GREB1L: variants seen among roughly 807,000 people sequenced by gnomAD.
GREB1L encodes GREB1 like retinoic acid receptor coactivator.
In GREB1L, 17 loss-of-function variants were observed where a neutral mutation model predicts 200.8. The ratio of observed to expected loss-of-function variants is 0.08; its 90% CI spans 0.06 to 0.13. The LOEUF is 0.13. Ranked by LOEUF, GREB1L falls within the 10% of genes least tolerant of loss-of-function variation. The probability of loss-of-function intolerance (pLI) is 1.00; values close to 1 mark genes in which losing one functional copy is unlikely to be tolerated. For missense variants in GREB1L, 1,657 were observed against 2,367.7 expected (o/e 0.70, Z 6.23); for synonymous variants, 789 against 893.0 (o/e 0.88, Z 2.08).
intron 2 of GREB1L, among the ~76,000 whole-genome samples, chr18:21,379,720 G>A (rs1238608770): frequency 1.3e-5 from 2 of 152,168 alleles, no homozygotes; most frequent in African/African-American, 4.8e-5. Context: ...ATGGTTGTTG[G>A]ATTTTGGTTT....
intron 1 of GREB1L, among the ~76,000 whole-genome samples, chr18:21,283,047 C>A (rs1030639570): frequency 1.3e-5 from 2 of 152,158 alleles, no homozygotes; most frequent in African/African-American, 2.4e-5. Flanking sequence ...ATGCATTTAG[C>A]TTTTTCATCC....
rs2040223472 is a variant in GREB1L, at chr18:21,379,657, G to T, written c.-9-3853G>T. Reference sequence around the variant, plus strand: ...TTGTTCACAGATAAGCAATCCTATGGTTAACTCTGTGCTAGTTCCTGGTCC... The same window carrying T: ...TTGTTCACAGATAAGCAATCCTATGTTTAACTCTGTGCTAGTTCCTGGTCC... On this transcript the variant is annotated intron_variant, in intron 2 of 32. Coordinates refer to ENST00000424526, the MANE Select transcript of GREB1L (RefSeq NM_001142966.3). Among the ~76,000 whole-genome samples the T allele has an allele frequency of 2.6e-5, 4 of 152,154 alleles. No individual in the cohort carries two copies. In the South Asian group the frequency reaches 8.3e-4, roughly 32 times the overall value.
intron 2 of GREB1L, among the ~76,000 whole-genome samples, chr18:21,374,566 A>G (rs1280937281): frequency 6.6e-6 from 1 of 152,236 alleles, no homozygotes; most frequent in Non-Finnish European, 1.5e-5. Context: ...TAGAATATGT[A>G]CATCCCCATC....
At chr18:21,268,524 C>CATATATATATGTATATATATATATAT (rs2038013930) in intron 1 of GREB1L, among the ~76,000 whole-genome samples, 6 of 72,898 alleles carry the variant, frequency 8.2e-5, no homozygotes, top group African/African-American at 3.1e-4. Flanking sequence ...TATATATATA[C>CATATATATATGTATATATATATATAT]ACACACACAC....
intron 1 of GREB1L, among the ~76,000 whole-genome samples, chr18:21,275,770 C>G (rs1277693722): frequency 6.6e-6 from 1 of 152,202 alleles, no homozygotes; most frequent in East Asian, 1.9e-4. Flanking sequence ...TCATCCTAGA[C>G]CAAATCCAGT....
At chr18:21,454,091 G>T (rs531418320) in intron 14 of GREB1L, among the ~76,000 whole-genome samples, 1 of 152,166 alleles carries the variant, frequency 6.6e-6, no homozygotes, top group Admixed American at 6.5e-5. Flanking sequence ...TGGGATAGGG[G>T]TGTTGAATTA....
At chr18:21,463,110 C>T (rs1244869025) in intron 15 of GREB1L, among the ~76,000 whole-genome samples, 7 of 147,322 alleles carry the variant, frequency 4.8e-5, no homozygotes, top group Admixed American at 3.4e-4. Context: ...AGGAGAGAGC[C>T]GATAGGTAAA....
Position 21,444,214 on chromosome 18 carries a change from AT to A in GREB1L, c.1208-8del. ...TGTTGAACTGTACTGACCTGCTTCT[AT>A]TGGGACAGGCTATGGCACTTTACCC... On this transcript the variant is annotated splice_polypyrimidine_tract_variant and intron_variant, in intron 10 of 32. Transcript: ENST00000424526. The A allele has an allele frequency of 1.3e-6, 2 of 1,546,762 alleles. No homozygotes were observed. The highest frequency in any genetic ancestry group is 1.8e-6 in the Non-Finnish European group (2 of 1,142,618).
chr18:21,293,658 T>TG lies in GREB1L; in HGVS notation c.-120+51266dup, dbSNP rs375627368. On this transcript the variant is annotated intron_variant, in intron 1 of 32. Transcript: ENST00000424526. ...TCAGCCAAAACAGTATGTGTAAATATGCCTGTTTGCCAATATAGTCACTCA... is the reference window on the plus strand; with the variant it reads ...TCAGCCAAAACAGTATGTGTAAATATGGCCTGTTTGCCAATATAGTCACTCA... Among the ~76,000 whole-genome samples the TG allele has an allele frequency of 1.6e-3, 237 of 152,368 alleles. 3 individuals carry two copies. Among genetic ancestry groups the TG allele is most frequent in the African/African-American group, 5.5e-3 (230 of 41,594 alleles).
intron 21 of GREB1L, among the ~76,000 whole-genome samples, chr18:21,499,085 C>T (rs1339462079): frequency 7.2e-5 from 11 of 152,176 alleles, no homozygotes; most frequent in African/African-American, 1.7e-4. Context: ...TCCCACTTCG[C>T]GCAGGGCATC....
At position 21,525,834 on chromosome 18, in the gene GREB1L, C is replaced by CAATCT. The variant is rs1378130552; in HGVS notation, c.*3015_*3019dup. Among the ~76,000 whole-genome samples the CAATCT allele has an allele frequency of 3.3e-5, 5 of 151,320 alleles. No homozygotes were observed. In the Admixed American group the frequency reaches 3.3e-4, roughly 10 times the overall value. On this transcript the variant is annotated 3_prime_UTR_variant, in exon 33 of 33. Coordinates refer to ENST00000424526, the MANE Select transcript of GREB1L (RefSeq NM_001142966.3). ...TTTGTTGTCCCAGAAAAATGGCTTT[C>CAATCT]AATCTATTAATAAAGTGTAGTAAAT...
At chr18:21,516,478 G>A (rs945981388) in intron 29 of GREB1L, 135 bp from the exon 30 acceptor site, 47 of 807,410 alleles carry the variant, frequency 5.8e-5, no homozygotes, top group Non-Finnish European at 8.1e-5. Context: ...TCAGTGTTAC[G>A]AGGGCCAGCT....
intron 31 of GREB1L, among the ~76,000 whole-genome samples, 183 bp from the exon 32 acceptor site, chr18:21,520,505 C>T (rs1484050168): frequency 1.3e-5 from 2 of 152,122 alleles, no homozygotes; most frequent in East Asian, 1.9e-4. Context: ...ACACTTGGCA[C>T]GCTACATAAA....
chr18:21,493,865 CAAAAA>C (rs35758360), intron 19 of GREB1L, among the ~76,000 whole-genome samples: 2 of 38,510 alleles, frequency 5.2e-5, no homozygotes, highest in Non-Finnish European at 8.0e-5. Context: ...GACCCTGTCT[CAAAAA>C]AAAAAAAAAA....
intron 15 of GREB1L, among the ~76,000 whole-genome samples, chr18:21,470,380 A>G (rs980915530): frequency 1.3e-5 from 2 of 152,190 alleles, no homozygotes; most frequent in Non-Finnish European, 2.9e-5. Flanking sequence ...TTTATGATAT[A>G]GCTCTATTTA....
chr18:21,287,174 T>C (rs1278723009), intron 1 of GREB1L, among the ~76,000 whole-genome samples: 1 of 152,108 alleles, frequency 6.6e-6, no homozygotes, highest in Non-Finnish European at 1.5e-5. Context: ...TTTGTTTGTT[T>C]CGAAAAACAG....
chr18:21,439,537 CAGT>C lies in GREB1L; in HGVS notation c.852_854del (p.Ser285del), dbSNP rs1232436452. 1 of 1,547,502 alleles carries C rather than the reference CAGT, an allele frequency of 6.5e-7. No homozygotes were observed. Among genetic ancestry groups the C allele is most frequent in the Admixed American group, 2.0e-5 (1 of 50,998 alleles). On this transcript the variant is annotated inframe_deletion, in exon 8 of 33. Coordinates refer to ENST00000424526, the MANE Select transcript of GREB1L (RefSeq NM_001142966.3). ...GTTCTACAGATGCTGCTAATGGAAA[CAGT>C]AGCCATGGAGGGAAGGGCAGTGCAT... is the stretch of plus-strand genomic sequence containing the variant.
At chr18:21,356,321 A>T (rs1205532646) in intron 1 of GREB1L, among the ~76,000 whole-genome samples, 2 of 152,092 alleles carry the variant, frequency 1.3e-5, no homozygotes, top group Non-Finnish European at 2.9e-5. Flanking sequence ...TTTGACCAAC[A>T]TCTCAACCTA....
intron 1 of GREB1L, among the ~76,000 whole-genome samples, chr18:21,300,915 G>A (rs1347511254): frequency 2.0e-5 from 3 of 152,114 alleles, no homozygotes; most frequent in Non-Finnish European, 2.9e-5. Context: ...TTTCAGGGAG[G>A]CATTGTAAGA....
Sources: allele counts gnomAD v4.1 joint callset (sites outside exome capture counted in the v4.1 genomes callset), GRCh38; gene constraint gnomAD v4.1.1; transcripts MANE v1.5; gene names NCBI Gene and HGNC (gene_info 2026-07-23, HGNC 2026-07-21).